The following DDB1 variants were observed in gnomAD, a reference collection of about 807,000 sequenced individuals.
The protein encoded by DDB1 is DNA damage-binding protein 1.
Under a neutral mutation model 133.1 loss-of-function variants are expected in DDB1, and 18 were observed. The observed-to-expected ratio is 0.14, with a 90% confidence interval of 0.09 to 0.20. The LOEUF is 0.20. DDB1 is among the 10% of genes least tolerant of loss of function. The pLI is 1.00. For synonymous variants in DDB1, 580 were observed against 550.5 expected, an observed-to-expected ratio of 1.05 and a Z score of -0.75; for missense variants, 828 against 1,459.2, an observed-to-expected ratio of 0.57 and a Z score of 7.05.
intron 10 of DDB1, 32 bp from the exon 11 acceptor site, chr11:61,316,599 G>C: frequency 1.2e-6 from 2 of 1,610,174 alleles, no homozygotes; most frequent in African/African-American, 2.7e-5. Flanking sequence ...CAGATGCATA[G>C]GACAGACCAA....
At position 61,314,504 on chromosome 11, in the gene DDB1, G is replaced by T; in HGVS notation, c.1411-18C>A. ...GAAGTGATCTAGATAAACAGCAGAT[G>T]AACAAATGTCTCCAAGCATCTGCCA... On this transcript the variant is annotated intron_variant, in intron 12 of 26. Coordinates refer to ENST00000301764, the MANE Select transcript of DDB1 (RefSeq NM_001923.5). 1.3e-6 allele frequency: 2 copies of T among 1,597,708 alleles called. No homozygotes were observed. Among genetic ancestry groups the T allele is most frequent in the South Asian group, 2.3e-5 (2 of 88,754 alleles).
At position 61,311,451 on chromosome 11, in the gene DDB1, AAAAC is replaced by A. The variant is rs377353968; in HGVS notation, c.2277+329_2277+332del. ...AAAAGCTGGTTTCTGTCTTAAAAAA[AAAAC>A]AAACAAACAAACCTGGAAGCCCGTT... is the stretch of plus-strand genomic sequence containing the variant. On this transcript the variant is annotated intron_variant, in intron 18 of 26. Transcript: ENST00000301764. 399 of 256,190 alleles carry A rather than the reference AAAAC, an allele frequency of 1.6e-3. 2 individuals carry two copies. The highest frequency in any genetic ancestry group is 7.6e-3 in the African/African-American group (342 of 44,874). The allele number at this position is 256,190 out of a possible 1,614,324, so 15.9% of individuals were successfully genotyped here.
chr11:61,301,133 G>A, intron 25 of DDB1: 1 of 675,216 alleles, frequency 1.5e-6, no homozygotes, highest in Non-Finnish European at 2.4e-6. Flanking sequence ...TTCTCAATTG[G>A]GGTGATCTTC....
rs1314634904 is a variant in DDB1, at chr11:61,316,972, T to G, written c.1226-405A>C. Among the ~76,000 whole-genome samples, 16 of 58,108 alleles carry G rather than the reference T, an allele frequency of 2.8e-4. 1 individual carries two copies. The highest frequency in any genetic ancestry group is 6.2e-4 in the South Asian group (1 of 1,620). 38.1% of individuals were successfully genotyped at this position (58,108 alleles called of 152,430 possible). On this transcript the variant is annotated intron_variant, in intron 10 of 26. Coordinates refer to ENST00000301764, the MANE Select transcript of DDB1 (RefSeq NM_001923.5). ...ATATATATATATATATATATATATA[T>G]ATATATATATATATATATATATATA...
chr11:61,321,553 C>T (rs755887470), intron 10 of DDB1, 42 bp downstream of exon 10: 1 of 1,587,264 alleles, frequency 6.3e-7, no homozygotes, highest in Admixed American at 1.7e-5. Flanking sequence ...GGCCAAAGTC[C>T]CTCATGTAAG....
At chr11:61,331,953 A>T (rs1421371607) in intron 1 of DDB1, 2 of 426,676 alleles carry the variant, frequency 4.7e-6, no homozygotes, top group Admixed American at 7.1e-5. Flanking sequence ...AATGACAATG[A>T]CTGCGTAATC....
chr11:61,299,782 T>TACACAC lies in DDB1; in HGVS notation c.*348_*353dup, dbSNP rs757179069. Reference sequence around the variant, plus strand: ...ACAATGCATGAGTGTGAGATACACATACACACACACACATACACACACACA... The same window carrying TACACAC: ...ACAATGCATGAGTGTGAGATACACATACACACACACACACACACATACACACACACA... On this transcript the variant is annotated 3_prime_UTR_variant, in exon 27 of 27. Transcript: ENST00000301764. 1.5e-5 allele frequency: 5 copies of TACACAC among 335,808 alleles called. No individual in the cohort carries two copies. The highest frequency in any genetic ancestry group is 1.1e-4 in the African/African-American group (5 of 46,102). The allele number at this position is 335,808 out of a possible 1,614,324, so 20.8% of individuals were successfully genotyped here. A position where few individuals can be genotyped will look rare whatever the true frequency, so the allele number is the denominator to read the frequency against.
At chr11:61,315,971 G>A (rs201604017) in intron 12 of DDB1, 32 of 210,874 alleles carry the variant, frequency 1.5e-4, no homozygotes, top group East Asian at 1.1e-3. Flanking sequence ...TGAGTGTCTC[G>A]GAAGATATAA....
chr11:61,320,144 C>G (rs894394365), intron 10 of DDB1, among the ~76,000 whole-genome samples: 1 of 151,680 alleles, frequency 6.6e-6, no homozygotes, highest in Non-Finnish European at 1.5e-5. Context: ...AGTTGATTAT[C>G]TTGGGTTTGT....
At chr11:61,310,852 G>T (rs564029939) in intron 18 of DDB1, 8 of 155,934 alleles carry the variant, frequency 5.1e-5, no homozygotes, top group African/African-American at 1.9e-4. Context: ...TGACCAGCTG[G>T]TATCACCACT....
At chr11:61,329,612 G>A (rs937397772) in intron 3 of DDB1, 28 bp from the exon 4 acceptor site, 11 of 1,574,936 alleles carry the variant, frequency 7.0e-6, no homozygotes, top group Non-Finnish European at 8.6e-6. Context: ...GATTAGGGAA[G>A]AACCTCAACA....
chr11:61,302,053 T>C (rs962871030), intron 25 of DDB1: 1 of 480,740 alleles, frequency 2.1e-6, no homozygotes, highest in Non-Finnish European at 3.8e-6. Context: ...AGCTAGGTGA[T>C]AAGTACTTTG....
At chr11:61,319,688 C>G (rs950175719) in intron 10 of DDB1, among the ~76,000 whole-genome samples, 3 of 152,210 alleles carry the variant, frequency 2.0e-5, no homozygotes, top group Admixed American at 2.0e-4. Flanking sequence ...CCTCGGCCTC[C>G]CAAAGTGCTG....
In DDB1 at chr11:61,300,956, C is replaced by T. The variant is rs776234499; in HGVS notation, c.3216-24G>A. The T allele has an allele frequency of 3.5e-5, 56 of 1,613,376 alleles. 1 individual carries two copies. The highest frequency in any genetic ancestry group is 5.3e-5 in the African/African-American group (4 of 74,894). The stretch of plus-strand genomic sequence containing the variant: ...AGGTGGATGGGTGAGTTAAGGAACA[C>T]GTGCTTATCAGGAAACACCCTCCTC... On this transcript the variant is annotated intron_variant, in intron 25 of 26. Transcript: ENST00000301764.
At chr11:61,330,908 G>A (rs910379673) in intron 2 of DDB1, among the ~76,000 whole-genome samples, 20 of 152,240 alleles carry the variant, frequency 1.3e-4, no homozygotes, top group Admixed American at 1.0e-3. Flanking sequence ...CACCCACCTC[G>A]GCCTCCCAAA....
chr11:61,313,999 T>C lies in DDB1; in HGVS notation c.1754-30A>G, dbSNP rs1856022639. 3 of 1,614,154 alleles carry C rather than the reference T, an allele frequency of 1.9e-6. No individual in the cohort carries two copies. In the African/African-American group the frequency reaches 4.0e-5, roughly 22 times the overall value. On this transcript the variant is annotated intron_variant, in intron 14 of 26. Transcript: ENST00000301764. ...GAGAAAGGGGGACATTATGTTCTTG[T>C]TCCACATTTTGACTCTGTCCCAACC... is the stretch of plus-strand genomic sequence containing the variant.
intron 10 of DDB1, among the ~76,000 whole-genome samples, chr11:61,320,070 T>C (rs1186353834): frequency 6.6e-6 from 1 of 152,242 alleles, no homozygotes; most frequent in Non-Finnish European, 1.5e-5. Context: ...AAGCTATTAA[T>C]TTCAGTACAT....
In DDB1 at chr11:61,309,949, G is replaced by T; in HGVS notation, c.2413C>A (p.His805Asn). The T allele has an allele frequency of 1.2e-6, 2 of 1,614,196 alleles. No homozygotes were observed. Among genetic ancestry groups the T allele is most frequent in the Non-Finnish European group, 1.7e-6 (2 of 1,180,036 alleles). The change falls in exon 20 of 27, where the codon CAC (histidine) becomes AAC (asparagine). Residue 805 changes from histidine to asparagine, a missense_variant. By Grantham distance (68) the His-to-Asn change is moderately conservative. This residue lies in a region of DDB1 where 396 missense variants were observed against 554.1 expected (regional missense o/e 0.71). Coordinates refer to ENST00000301764, the MANE Select transcript of DDB1 (RefSeq NM_001923.5). ...GCATATTCATTCTGCAGAAACTGGT[G>T]GGCATGAAGCACTAGAGAGTAGAGA... Reference protein sequence around the residue: ...DQHTFEVLHAHQFLQNEYALS... With the variant: ...DQHTFEVLHANQFLQNEYALS...
intron 5 of DDB1, 36 bp downstream of exon 5, chr11:61,326,739 AGACC>A: frequency 6.5e-7 from 1 of 1,532,306 alleles, no homozygotes; most frequent in East Asian, 2.2e-5. Context: ...GAACTAGCCT[AGACC>A]CAGGTGGAGG....
Sources: gnomAD v4.1 joint callset for allele counts (sites outside exome capture counted in the v4.1 genomes callset) on GRCh38, gnomAD v4.1.1 for gene constraint, gnomAD v4.1.1 regional missense constraint, MANE v1.5 for transcripts, NCBI Gene and HGNC (gene_info 2026-07-23, HGNC 2026-07-21) for gene names.